Variants in RPP14 observed in about 807,000 individuals in gnomAD.
The protein encoded by RPP14 is ribonuclease P protein subunit p14.
In RPP14, 19 loss-of-function variants were observed where a neutral mutation model predicts 17.8. The observed-to-expected ratio is 1.07, with a 90% CI of 0.74 to 1.57. The LOEUF (loss-of-function observed/expected upper bound fraction) is 1.57. Ranked by LOEUF, RPP14 falls within the 40% of genes most tolerant of loss-of-function variation. RPP14 has a pLI of 0.00. For missense variants in RPP14, 125 were observed against 140.8 expected (o/e 0.89, Z 0.57); for synonymous variants, 60 against 56.4 (o/e 1.06, Z -0.29).
At chr3:58,308,003 C>G (rs760151948) in intron 1 of RPP14, 1 of 151,986 alleles carries the variant, frequency 6.6e-6, no homozygotes, top group Non-Finnish European at 1.5e-5. Context: ...TTACTGGCAT[C>G]TAAGCCCTGG....
chr3:58,311,840 G>A (rs2107502970), intron 3 of RPP14, among the ~76,000 whole-genome samples: 1 of 152,048 alleles, frequency 6.6e-6, no homozygotes, highest in Non-Finnish European at 1.5e-5. Flanking sequence ...TAGACTTGCT[G>A]GATTAAATGG....
At chr3:58,310,198 C>A in intron 1 of RPP14, 111 bp from the exon 2 acceptor site, 1 of 749,930 alleles carries the variant, frequency 1.3e-6, no homozygotes, top group Non-Finnish European at 2.3e-6. Flanking sequence ...CAGGGTGAGA[C>A]CCTGCCTTAA....
chr3:58,311,435 C>T (rs1162965463), intron 3 of RPP14, among the ~76,000 whole-genome samples: 1 of 152,048 alleles, frequency 6.6e-6, no homozygotes, highest in East Asian at 1.9e-4. Flanking sequence ...ATTACAGGCA[C>T]GAGCCACTGT....
At chr3:58,316,483 A>C (rs1405361069) in intron 3 of RPP14, 32 bp from the exon 4 acceptor site, 4 of 1,578,992 alleles carry the variant, frequency 2.5e-6, no homozygotes, top group East Asian at 2.2e-5. Context: ...AATGGTGAGA[A>C]TAGCCTGCTA....
chr3:58,306,756 A>G (rs1473683766), intron 1 of RPP14: 3 of 152,022 alleles, frequency 2.0e-5, no homozygotes, highest in Admixed American at 2.0e-4. Flanking sequence ...CAAAAATTGT[A>G]CGTCGCACGC....
chr3:58,314,373 T>A (rs2097485951), intron 3 of RPP14, among the ~76,000 whole-genome samples: 2 of 151,828 alleles, frequency 1.3e-5, no homozygotes, highest in African/African-American at 4.8e-5. Context: ...GTAATAATAA[T>A]AAAAAAGAAG....
At chr3:58,310,982 T>A (rs368908767) in intron 3 of RPP14, among the ~76,000 whole-genome samples, 16 of 130,158 alleles carry the variant, frequency 1.2e-4, no homozygotes, top group South Asian at 2.4e-4. Flanking sequence ...AAAAAAAAAA[T>A]AAATTATACA....
At chr3:58,309,165 G>A (rs149800597) in intron 1 of RPP14, among the ~76,000 whole-genome samples, 2 of 152,340 alleles carry the variant, frequency 1.3e-5, no homozygotes, top group East Asian at 1.9e-4. Context: ...TTCTCTTTGT[G>A]TTCTGTGTTG....
chr3:58,316,669 G>T, intron 4 of RPP14, 78 bp downstream of exon 4: 1 of 1,321,000 alleles, frequency 7.6e-7, no homozygotes, highest in South Asian at 1.2e-5. Context: ...TTCTGAGAAT[G>T]AGAATAAATT....
In RPP14 at chr3:58,318,473, C is replaced by T. The variant is rs535009147; in HGVS notation, c.*977C>T. On this transcript the variant is annotated 3_prime_UTR_variant, in exon 6 of 6. Coordinates refer to ENST00000295959, the MANE Select transcript of RPP14 (RefSeq NM_007042.6). The stretch of plus-strand genomic sequence containing the variant: ...AGGAGTCCAAGACCAGCCTGGCCAA[C>T]ATGGTGAAACCCCATCTCTACCAAA... 1.0e-3 allele frequency: 131 copies of T among 127,368 alleles called. No homozygotes were observed. The highest frequency in any genetic ancestry group is 4.0e-3 in the African/African-American group (126 of 31,626). 7.9% of individuals were successfully genotyped at this position (127,368 alleles called of 1,614,324 possible).
At chr3:58,314,648 A>G (rs993955619) in intron 3 of RPP14, among the ~76,000 whole-genome samples, 2 of 149,832 alleles carry the variant, frequency 1.3e-5, no homozygotes, top group African/African-American at 2.4e-5. Context: ...AAAATGGTGC[A>G]GCCACTCTGG....
chr3:58,316,050 C>A (rs2097487969), intron 3 of RPP14, among the ~76,000 whole-genome samples: 2 of 152,144 alleles, frequency 1.3e-5, no homozygotes, highest in Non-Finnish European at 2.9e-5. Flanking sequence ...AAAAAAATAT[C>A]CCTGTGTGTA....
intron 1 of RPP14, among the ~76,000 whole-genome samples, chr3:58,309,660 G>A (rs1426418539): frequency 6.6e-6 from 1 of 152,206 alleles, no homozygotes; most frequent in Non-Finnish European, 1.5e-5. Context: ...GGGAGGCCGA[G>A]GCAGGCGTAT....
Position 58,311,147 on chromosome 3 carries a change from T to C in RPP14, c.162+556T>C, listed in dbSNP as rs576784861. Among the ~76,000 whole-genome samples the C allele has an allele frequency of 9.6e-3, 1,262 of 131,972 alleles. 21 individuals carry two copies. The highest frequency in any genetic ancestry group is 0.032 in the African/African-American group (1,207 of 37,658). The allele number at this position is 131,972 out of a possible 152,430, so 86.6% of individuals were successfully genotyped here. ...CATGAAATCTACTTTTTGTTGTTGT[T>C]GTTGTTGTTGTTGTTGTTTTTCTTT... On this transcript the variant is annotated intron_variant, in intron 3 of 5. Transcript: ENST00000295959.
Position 58,319,563 on chromosome 3 carries a change from T to C in RPP14, c.*2067T>C, listed in dbSNP as rs990086900. The C allele has an allele frequency of 1.3e-5, 2 of 151,998 alleles. No homozygotes were observed. Among genetic ancestry groups the C allele is most frequent in the East Asian group, 1.9e-4 (1 of 5,180 alleles). The allele number at this position is 151,998 out of a possible 1,614,324, so 9.4% of individuals were successfully genotyped here. ...GTGTTCTTAAGTACAGTTTCTGTTA[T>C]AAAAGTTCAGATTATTCCTTGAAAA... On this transcript the variant is annotated 3_prime_UTR_variant, in exon 6 of 6. Transcript: ENST00000295959.
chr3:58,307,747 A>C (rs1243635870), intron 1 of RPP14: 1 of 152,240 alleles, frequency 6.6e-6, no homozygotes, highest in Non-Finnish European at 1.5e-5. Context: ...TCGTGAGCCC[A>C]CATCTGTGGA....
chr3:58,317,508 T>A lies in RPP14; in HGVS notation c.*12T>A. ...TAGTATTGGATTGAATGAATAGTCT[T>A]CCATTTTGGAAACGTTCATCCACTC... On this transcript the variant is annotated 3_prime_UTR_variant, in exon 6 of 6. Coordinates refer to ENST00000295959, the MANE Select transcript of RPP14 (RefSeq NM_007042.6). The A allele has an allele frequency of 6.4e-7, 1 of 1,554,262 alleles. No homozygotes were observed. Among genetic ancestry groups the A allele is most frequent in the Non-Finnish European group, 8.9e-7 (1 of 1,129,612 alleles).
chr3:58,314,794 C>T (rs1325485162), intron 3 of RPP14, among the ~76,000 whole-genome samples: 2 of 147,420 alleles, frequency 1.4e-5, no homozygotes, highest in Non-Finnish European at 3.0e-5. Context: ...AGGCGATTCT[C>T]CTGTCTCAGC....
intron 1 of RPP14, 102 bp from the exon 2 acceptor site, chr3:58,310,207 A>C (rs1342090387): frequency 4.7e-6 from 4 of 846,670 alleles, no homozygotes; most frequent in Non-Finnish European, 3.9e-6. Context: ...ACCCTGCCTT[A>C]AAACAAACAA....
Sources: allele counts gnomAD v4.1 joint callset (sites outside exome capture counted in the v4.1 genomes callset), GRCh38; gene constraint gnomAD v4.1.1; transcripts MANE v1.5; gene names NCBI Gene and HGNC (gene_info 2026-07-23, HGNC 2026-07-21).